Variants in CPHXL2 observed in about 807,000 individuals in gnomAD.
The protein encoded by CPHXL2 is cytoplasmic polyadenylated homeobox like 2, also known as cytoplasmic polyadenylated homeobox-like protein 2.
the CPHXL2 span, among the ~76,000 whole-genome samples, chr16:75,676,138 C>T: frequency 3.3e-5 from 5 of 152,056 alleles, no homozygotes; most frequent in East Asian, 1.9e-4. Context: ...GTGACCTTCT[C>T]GCTCCATCCA....
At chr16:75,669,360 T>TA in the CPHXL2 span, 7 of 400,612 alleles carry the variant, frequency 1.7e-5, no homozygotes, top group South Asian at 1.3e-4. Context: ...AGGTTGAACT[T>TA]ACGTTTATCA....
the CPHXL2 span, chr16:75,661,335 C>G: frequency 1.3e-5 from 5 of 398,088 alleles, no homozygotes; most frequent in Non-Finnish European, 2.2e-5. Context: ...GAGGCTTTTT[C>G]TTTTTAAGCC....
At chr16:75,666,644 A>T in the CPHXL2 span, among the ~76,000 whole-genome samples, 1 of 151,762 alleles carries the variant, frequency 6.6e-6, no homozygotes, top group Non-Finnish European at 1.5e-5. Context: ...GGAGGACATC[A>T]ATACTTCACT....
At chr16:75,675,817 A>G in the CPHXL2 span, among the ~76,000 whole-genome samples, 2 of 152,128 alleles carry the variant, frequency 1.3e-5, no homozygotes, top group African/African-American at 4.8e-5. Context: ...GGTGGCTCAC[A>G]CCTGTAATCC....
the CPHXL2 span, among the ~76,000 whole-genome samples, chr16:75,674,732 C>T: frequency 3.3e-5 from 5 of 151,944 alleles, no homozygotes; most frequent in African/African-American, 9.7e-5. Context: ...TTATTTGAGA[C>T]AGAGTCTCGC....
At chr16:75,672,089 T>C in the CPHXL2 span, among the ~76,000 whole-genome samples, 3 of 149,366 alleles carry the variant, frequency 2.0e-5, no homozygotes, top group East Asian at 6.0e-4. Context: ...TTGGCCAACA[T>C]GGTGAAACCG....
chr16:75,666,549 A>G, the CPHXL2 span, among the ~76,000 whole-genome samples: 7 of 147,146 alleles, frequency 4.8e-5, no homozygotes, highest in African/African-American at 1.8e-4. Flanking sequence ...TGGAGGTTGC[A>G]GTGAGCTGAG....
At chr16:75,672,069 C>T in the CPHXL2 span, among the ~76,000 whole-genome samples, 2 of 150,142 alleles carry the variant, frequency 1.3e-5, no homozygotes, top group Admixed American at 6.7e-5. Flanking sequence ...GTCAAGAGTT[C>T]GAAACCAGCT....
chr16:75,660,981 T>C, the CPHXL2 span: 1 of 399,084 alleles, frequency 2.5e-6, no homozygotes, highest in Admixed American at 4.4e-5. Context: ...ACTGGGAGTC[T>C]CTTGGTTCTC....
chr16:75,676,252 C>G, the CPHXL2 span, among the ~76,000 whole-genome samples: 1 of 152,046 alleles, frequency 6.6e-6, no homozygotes, highest in Non-Finnish European at 1.5e-5. Flanking sequence ...TGGAAGTTCT[C>G]ACAATATTTC....
At chr16:75,660,231 C>T in the CPHXL2 span, 6 of 398,066 alleles carry the variant, frequency 1.5e-5, no homozygotes, top group African/African-American at 2.1e-5. Context: ...TGGGCTTGAC[C>T]TGTGGCTATG....
chr16:75,670,347 G>T, the CPHXL2 span, among the ~76,000 whole-genome samples: 1 of 152,184 alleles, frequency 6.6e-6, no homozygotes, highest in African/African-American at 2.4e-5. Flanking sequence ...CGGAATCGGA[G>T]CCTGAAAGGG....
At chr16:75,674,052 A>G in the CPHXL2 span, among the ~76,000 whole-genome samples, 2 of 151,546 alleles carry the variant, frequency 1.3e-5, no homozygotes, top group African/African-American at 4.8e-5. Flanking sequence ...GAAAATACTT[A>G]TGAATAACTT....
chr16:75,673,298 G>A, the CPHXL2 span, among the ~76,000 whole-genome samples: 2 of 151,824 alleles, frequency 1.3e-5, no homozygotes, highest in Non-Finnish European at 2.9e-5. Flanking sequence ...AGCTGGGCAT[G>A]GAGGCACATG....
At chr16:75,668,142 A>G in the CPHXL2 span, among the ~76,000 whole-genome samples, 24 of 152,184 alleles carry the variant, frequency 1.6e-4, no homozygotes, top group African/African-American at 5.1e-4. Flanking sequence ...TTTCACAAAC[A>G]TACATAGATA....
At chr16:75,673,030 G>T in the CPHXL2 span, among the ~76,000 whole-genome samples, 1 of 138,538 alleles carries the variant, frequency 7.2e-6, no homozygotes, top group Non-Finnish European at 1.5e-5. Flanking sequence ...AGCCGTGCAC[G>T]TGCCACTGCA....
chr16:75,660,753 T>C, the CPHXL2 span: 1 of 398,374 alleles, frequency 2.5e-6, no homozygotes, highest in East Asian at 3.6e-5. Context: ...TCCATGAAAA[T>C]ATGGCACAGA....
chr16:75,673,065 G>C, the CPHXL2 span, among the ~76,000 whole-genome samples: 3 of 93,074 alleles, frequency 3.2e-5, no homozygotes. Flanking sequence ...GACGGAGTAA[G>C]ACCTTGTCTC....
chr16:75,662,903 A>G, the CPHXL2 span, among the ~76,000 whole-genome samples: 2 of 145,718 alleles, frequency 1.4e-5, no homozygotes, highest in South Asian at 2.1e-4. Context: ...GGTTCATGCT[A>G]TTCTTCTGCC....
Sources: gnomAD v4.1 joint callset for allele counts (sites outside exome capture counted in the v4.1 genomes callset) on GRCh38, gnomAD v4.1.1 for gene constraint, MANE v1.5 for transcripts, NCBI Gene and HGNC (gene_info 2026-07-23, HGNC 2026-07-21) for gene names.